Variants in OPHN1 observed in about 807,000 individuals in gnomAD.
OPHN1 encodes oligophrenin-1.
In OPHN1, 11 loss-of-function variants were observed where a neutral mutation model predicts 60.7. The ratio of observed to expected loss-of-function variants is 0.18; its 90% CI spans 0.11 to 0.30. OPHN1 has a LOEUF of 0.30. OPHN1 is among the 10% of genes least tolerant of loss of function. OPHN1 has a pLI of 1.00. For missense variants in OPHN1, 449 were observed against 611.0 expected, an observed-to-expected ratio of 0.73 and a Z score of 2.80; for synonymous variants, 226 against 222.6, an observed-to-expected ratio of 1.02 and a Z score of -0.14.
chrX:68,381,392 G>C (rs989071539), intron 2 of OPHN1, among the ~76,000 whole-genome samples: 5 of 111,300 alleles, frequency 4.5e-5, no homozygotes, highest in Non-Finnish European at 9.4e-5. Context: ...TACCCCCAGT[G>C]GCTGCAAGAG....
At chrX:68,121,675 C>G (rs966725843) in intron 15 of OPHN1, among the ~76,000 whole-genome samples, 2 of 109,554 alleles carry the variant, frequency 1.8e-5, no homozygotes, top group Non-Finnish European at 3.8e-5. Context: ...ATTTGGGAGG[C>G]ATGCAACCTA....
intron 2 of OPHN1, among the ~76,000 whole-genome samples, chrX:68,338,919 A>G (rs1223689774): frequency 9.6e-6 from 1 of 104,690 alleles, no homozygotes; most frequent in Non-Finnish European, 2.0e-5. Flanking sequence ...TACTAATAGT[A>G]AAAAAAAAAT....
At chrX:68,432,839 A>G in intron 2 of OPHN1, 28 bp downstream of exon 2, 1 of 1,208,547 alleles carries the variant, frequency 8.3e-7, no homozygotes, top group African/African-American at 1.7e-5. Flanking sequence ...CAGCTCAGAG[A>G]AACAGCTCAT....
chrX:68,059,872 C>T (rs2076886887), intron 21 of OPHN1, among the ~76,000 whole-genome samples: 1 of 111,605 alleles, frequency 9.0e-6, no homozygotes, highest in Non-Finnish European at 1.9e-5. Context: ...TGAAGGTCTC[C>T]TTGCTCCATG....
intron 6 of OPHN1, among the ~76,000 whole-genome samples, chrX:68,218,409 G>C (rs1305826896): frequency 4.9e-4 from 49 of 99,586 alleles, no homozygotes; most frequent in Non-Finnish European, 7.9e-4. Context: ...CCAACGTTCA[G>C]ATTCAGGAAA....
intron 2 of OPHN1, among the ~76,000 whole-genome samples, chrX:68,319,629 G>A (rs1295666935): frequency 9.1e-6 from 1 of 110,238 alleles, no homozygotes; most frequent in African/African-American, 3.3e-5. Context: ...CCAGCTACTC[G>A]AGAGGCTGAG....
chrX:68,169,109 A>C (rs1224390232), intron 15 of OPHN1, among the ~76,000 whole-genome samples: 2 of 111,427 alleles, frequency 1.8e-5, no homozygotes, highest in Non-Finnish European at 3.8e-5. Context: ...TTCTTGCAAA[A>C]ATCACAAGCA....
At chrX:68,330,865 A>G (rs2078290993) in intron 2 of OPHN1, among the ~76,000 whole-genome samples, 1 of 107,148 alleles carries the variant, frequency 9.3e-6, no homozygotes, top group Non-Finnish European at 1.9e-5. Flanking sequence ...TTATATATTT[A>G]TATAACTAAA....
intron 6 of OPHN1, among the ~76,000 whole-genome samples, chrX:68,219,830 A>C (rs1175779523): frequency 9.7e-6 from 1 of 103,194 alleles, no homozygotes; most frequent in Non-Finnish European, 2.0e-5. Context: ...AGAAAGCAGG[A>C]AAGATCCAAA....
At chrX:68,143,761 G>C (rs1380258795) in intron 15 of OPHN1, among the ~76,000 whole-genome samples, 1 of 111,512 alleles carries the variant, frequency 9.0e-6, no homozygotes, top group African/African-American at 3.3e-5. Context: ...TGTACATCCT[G>C]AGTGACTCCA....
At chrX:68,112,006 T>C (rs1191373834) in intron 17 of OPHN1, 47 bp from the exon 18 acceptor site, 2 of 828,113 alleles carry the variant, frequency 2.4e-6, no homozygotes, top group South Asian at 2.0e-5. Flanking sequence ...TCTGGGCAAC[T>C]GGATTGAGCA....
chrX:68,091,772 T>C (rs772246804), intron 19 of OPHN1, among the ~76,000 whole-genome samples: 98 of 110,900 alleles, frequency 8.8e-4, no homozygotes, highest in Non-Finnish European at 1.8e-3. Flanking sequence ...AAAACAGAAG[T>C]CAACCTTCCT....
intron 18 of OPHN1, among the ~76,000 whole-genome samples, chrX:68,099,842 T>G (rs2077051097): frequency 8.9e-6 from 1 of 112,031 alleles, no homozygotes; most frequent in Admixed American, 9.5e-5. Context: ...AAATAAAATA[T>G]ATTTCTGGTC....
At chrX:68,393,973 G>A (rs930614152) in intron 2 of OPHN1, among the ~76,000 whole-genome samples, 21 of 87,474 alleles carry the variant, frequency 2.4e-4, no homozygotes, top group African/African-American at 8.3e-4. Flanking sequence ...TCGGCTCACT[G>A]CAAGCTCCGC....
intron 2 of OPHN1, among the ~76,000 whole-genome samples, chrX:68,325,159 T>C (rs116271013): frequency 0.017 from 1,926 of 111,274 alleles, 34 homozygotes; most frequent in African/African-American, 0.052. Flanking sequence ...TCAATCAATC[T>C]ATAAAGTCAT....
chrX:68,192,878 TA>T (rs1333914441), intron 15 of OPHN1, 40 bp downstream of exon 15: 1 of 1,018,037 alleles, frequency 9.8e-7, no homozygotes, highest in Non-Finnish European at 1.4e-6. Context: ...TTGTAACACA[TA>T]AAGTACTCCC....
At chrX:68,057,343 T>G (rs1034706806) in intron 21 of OPHN1, among the ~76,000 whole-genome samples, 10 of 111,964 alleles carry the variant, frequency 8.9e-5, no homozygotes, top group Middle Eastern at 4.7e-3. Flanking sequence ...TTAAGCCATA[T>G]GATGTTGCTT....
chrX:68,422,770 G>A (rs868341598), intron 2 of OPHN1, among the ~76,000 whole-genome samples: 3 of 68,061 alleles, frequency 4.4e-5, no homozygotes, highest in African/African-American at 1.2e-4. Flanking sequence ...AAGGGAAAGG[G>A]AAGAAAGAAA....
At chrX:68,153,027 A>G (rs1165114322) in intron 15 of OPHN1, among the ~76,000 whole-genome samples, 2 of 108,844 alleles carry the variant, frequency 1.8e-5, no homozygotes, top group Non-Finnish European at 3.8e-5. Flanking sequence ...ACTGGCCAAC[A>G]TGGTGAAACC....
Sources: allele counts gnomAD v4.1 joint callset (sites outside exome capture counted in the v4.1 genomes callset), GRCh38; gene constraint gnomAD v4.1.1; transcripts MANE v1.5; gene names NCBI Gene and HGNC (gene_info 2026-07-23, HGNC 2026-07-21).